Variants in CTNND2 observed in about 807,000 individuals in gnomAD.
The protein encoded by CTNND2 is catenin delta-2.
Under a neutral mutation model 144.4 loss-of-function variants are expected in CTNND2, and 22 were observed. The observed-to-expected ratio is 0.15, with a 90% CI of 0.11 to 0.22. The LOEUF is 0.22. Ranked by LOEUF, CTNND2 falls within the 10% of genes least tolerant of loss-of-function variation. The pLI, the probability that CTNND2 is intolerant of heterozygous loss-of-function variation, is 1.00. For missense variants in CTNND2, 1,353 were observed against 1,618.8 expected, an observed-to-expected ratio of 0.84 and a Z score of 2.82; for synonymous variants, 751 against 695.6, an observed-to-expected ratio of 1.08 and a Z score of -1.25.
intron 1 of CTNND2, among the ~76,000 whole-genome samples, chr5:11,784,490 G>A (rs1790725606): frequency 6.6e-6 from 1 of 152,178 alleles, no homozygotes; most frequent in Non-Finnish European, 1.5e-5. Context: ...ATCCACAGAT[G>A]TGGAAAAGAT....
rs183232801 is a variant in CTNND2, at chr5:11,254,756, C to A, written c.1629-17933G>T. Among the ~76,000 whole-genome samples the A allele has an allele frequency of 9.8e-5, 15 of 152,296 alleles. No homozygotes were observed. The South Asian group carries it at 2.7e-3, about 27-fold the overall frequency. ...CTAGGAGAAACAGGTGTCACCCTTA[C>A]TTTTAGACTTGCAAATTATAATGCA... On this transcript the variant is annotated intron_variant, in intron 9 of 21. Coordinates refer to ENST00000304623, the MANE Select transcript of CTNND2 (RefSeq NM_001332.4).
At chr5:11,854,501 G>C (rs1471494255) in intron 1 of CTNND2, among the ~76,000 whole-genome samples, 1 of 152,150 alleles carries the variant, frequency 6.6e-6, no homozygotes, top group African/African-American at 2.4e-5. Context: ...TAGTATGTTT[G>C]AACTACAGGG....
intron 16 of CTNND2, among the ~76,000 whole-genome samples, chr5:11,052,478 G>A (rs1259240303): frequency 3.3e-5 from 5 of 152,074 alleles, no homozygotes; most frequent in African/African-American, 1.2e-4. Context: ...CCAGAAACTT[G>A]TAGAAAAACC....
chr5:11,283,673 C>CAAA (rs70947250), intron 9 of CTNND2, among the ~76,000 whole-genome samples: 319 of 31,562 alleles, frequency 0.01, 12 homozygotes, highest in Middle Eastern at 0.045. Context: ...GACTCCGTCT[C>CAAA]AAAAAAAAAA....
Position 11,903,651 on chromosome 5 carries a change from C to A in CTNND2, c.37+166G>T, listed in dbSNP as rs1224472235. 6.6e-6 allele frequency among the ~76,000 whole-genome samples: 1 copy of A among 152,142 alleles called. No individual in the cohort carries two copies. The highest frequency in any genetic ancestry group is 1.9e-4 in the East Asian group (1 of 5,142). On this transcript the variant is annotated intron_variant, in intron 1 of 21. Coordinates refer to ENST00000304623, the MANE Select transcript of CTNND2 (RefSeq NM_001332.4). The surrounding 1 kb of genome is among the most constrained non-coding windows in gnomAD (Gnocchi z 5.4). ...CAGGCACAGCGGCTTCCGAGGGGGA[C>A]CTGGCGCGATCGCGGTCCTCCCCGA...
intron 11 of CTNND2, among the ~76,000 whole-genome samples, chr5:11,189,864 A>ACAGAAAG (rs971918073): frequency 1.3e-5 from 2 of 152,204 alleles, no homozygotes; most frequent in African/African-American, 2.4e-5. Flanking sequence ...GGTGGAGTAT[A>ACAGAAAG]CAGAAAGTTA....
chr5:11,099,435 T>C (rs1666298721), intron 14 of CTNND2, among the ~76,000 whole-genome samples: 1 of 152,186 alleles, frequency 6.6e-6, no homozygotes, highest in Admixed American at 6.5e-5. Context: ...ATTTAGAAAT[T>C]ATGGCTTACA....
At chr5:11,196,021 G>C (rs1022077474) in intron 11 of CTNND2, among the ~76,000 whole-genome samples, 5 of 152,184 alleles carry the variant, frequency 3.3e-5, no homozygotes, top group Non-Finnish European at 7.3e-5. Context: ...CAAACAGGGA[G>C]CTGTTTTTTT....
chr5:11,670,740 T>C (rs1449582767), intron 2 of CTNND2, among the ~76,000 whole-genome samples: 1 of 152,208 alleles, frequency 6.6e-6, no homozygotes, highest in Admixed American at 6.5e-5. Flanking sequence ...TTTGCCAGTC[T>C]GTGTCTTTAA....
chr5:11,268,744 C>T (rs1164935320), intron 9 of CTNND2, among the ~76,000 whole-genome samples: 1 of 152,170 alleles, frequency 6.6e-6, no homozygotes, highest in Non-Finnish European at 1.5e-5. Flanking sequence ...TTTACCACAA[C>T]ACTAACCATT....
intron 2 of CTNND2, among the ~76,000 whole-genome samples, chr5:11,586,577 T>A (rs1778876072): frequency 6.6e-6 from 1 of 152,202 alleles, no homozygotes; most frequent in Admixed American, 6.5e-5. Context: ...TGATCAGACT[T>A]ATTAGATAGG....
At chr5:11,816,215 G>T (rs536214595) in intron 1 of CTNND2, among the ~76,000 whole-genome samples, 1 of 152,296 alleles carries the variant, frequency 6.6e-6, no homozygotes, top group Non-Finnish European at 1.5e-5. Context: ...AATAGATTAC[G>T]TAAGCTCCTT....
intron 1 of CTNND2, among the ~76,000 whole-genome samples, chr5:11,892,687 G>C (rs1737072498): frequency 6.6e-6 from 1 of 151,012 alleles, no homozygotes; most frequent in East Asian, 1.9e-4. Flanking sequence ...CTTTGGGCCA[G>C]AGCTAAAAAA....
chr5:11,080,066 C>T (rs908162439), intron 16 of CTNND2, among the ~76,000 whole-genome samples: 3 of 151,682 alleles, frequency 2.0e-5, no homozygotes, highest in Admixed American at 2.0e-4. Context: ...TTATTAGTAA[C>T]CAAAAATATA....
At chr5:11,902,642 C>A (rs773954341) in intron 1 of CTNND2, among the ~76,000 whole-genome samples, 4 of 152,194 alleles carry the variant, frequency 2.6e-5, no homozygotes, top group Non-Finnish European at 5.9e-5. Context: ...AAAATTTACA[C>A]CTGTCAGGCC....
At chr5:11,299,069 T>C (rs1749304447) in intron 9 of CTNND2, among the ~76,000 whole-genome samples, 1 of 152,174 alleles carries the variant, frequency 6.6e-6, no homozygotes, top group Non-Finnish European at 1.5e-5. Context: ...CAGAAGCTAT[T>C]TGGAGAACTA....
chr5:11,831,785 G>A (rs950001313), intron 1 of CTNND2, among the ~76,000 whole-genome samples: 1 of 151,946 alleles, frequency 6.6e-6, no homozygotes, highest in African/African-American at 2.4e-5. Context: ...ACAACTGATG[G>A]TAAAACAACT....
intron 1 of CTNND2, among the ~76,000 whole-genome samples, chr5:11,807,108 C>T (rs1271724181): frequency 6.6e-6 from 1 of 152,098 alleles, no homozygotes; most frequent in African/African-American, 2.4e-5. Flanking sequence ...TAAAATAATA[C>T]ATGCACATAG....
At chr5:11,570,942 GTTTC>G (rs1777504563) in intron 2 of CTNND2, among the ~76,000 whole-genome samples, 2 of 151,422 alleles carry the variant, frequency 1.3e-5, no homozygotes, top group Admixed American at 1.3e-4. Context: ...GTATTATTCT[GTTTC>G]TTTATCTTCT....
Sources: gnomAD v4.1 joint callset for allele counts (sites outside exome capture counted in the v4.1 genomes callset) on GRCh38, gnomAD v4.1.1 for gene constraint, Gnocchi (gnomAD v3.1) non-coding constraint, MANE v1.5 for transcripts, NCBI Gene and HGNC (gene_info 2026-07-23, HGNC 2026-07-21) for gene names.